PAK3: variants seen among roughly 807,000 people sequenced by gnomAD.
PAK3 encodes serine/threonine-protein kinase PAK 3.
Under a neutral mutation model 41.0 loss-of-function variants are expected in PAK3, and 4 were observed. That is an observed-to-expected ratio of 0.10 (90% CI 0.05 to 0.22). The LOEUF (loss-of-function observed/expected upper bound fraction) is 0.22. Among genes scored for constraint, PAK3 ranks in the 10% least tolerant of loss-of-function variants. The probability of loss-of-function intolerance (pLI) is 1.00; values close to 1 mark genes in which losing one functional copy is unlikely to be tolerated. For missense variants in PAK3, 205 were observed against 409.9 expected (o/e 0.50, Z 4.32); for synonymous variants, 146 against 139.6 (o/e 1.05, Z -0.32).
intron 11 of PAK3, among the ~76,000 whole-genome samples, chrX:111,185,998 A>C (rs2094506456): frequency 9.0e-6 from 1 of 111,508 alleles, no homozygotes; most frequent in South Asian, 3.8e-4. Context: ...ACATACAAAA[A>C]TCAATAAACG....
At position 111,222,239 on chromosome X, in the gene PAK3, A is replaced by T. The variant is rs1476733843; in HGVS notation, c.*1792A>T. On this transcript the variant is annotated 3_prime_UTR_variant, in exon 18 of 18. Coordinates refer to ENST00000372007, the MANE Select transcript of PAK3 (RefSeq NM_002578.5). ...CCTCTCTCCTTCTTTGCCAAGGTAC[A>T]TCCATCCATCTAACCATCCATATAT... 2 of 112,235 alleles carry T rather than the reference A, an allele frequency of 1.8e-5. No homozygotes were observed. The highest frequency in any genetic ancestry group is 3.8e-5 in the Non-Finnish European group (2 of 53,197). The allele number at this position is 112,235 out of a possible 1,213,427, so 9.2% of individuals were successfully genotyped here.
chrX:110,967,413 G>A, intron 1 of PAK3, among the ~76,000 whole-genome samples: 1 of 111,437 alleles, frequency 9.0e-6, no homozygotes, highest in Non-Finnish European at 1.9e-5. Context: ...CACAGGGTTA[G>A]GGACAAAGGC....
chrX:111,217,190 A>G, intron 17 of PAK3: 1 of 268,492 alleles, frequency 3.7e-6, no homozygotes, highest in Non-Finnish European at 5.1e-6. Context: ...TATAGATGTA[A>G]AAGTTGAGAC....
At chrX:111,025,759 T>C (rs1171900007) in intron 1 of PAK3, among the ~76,000 whole-genome samples, 1 of 104,667 alleles carries the variant, frequency 9.6e-6, no homozygotes, top group East Asian at 3.0e-4. Flanking sequence ...TTCCACAAGA[T>C]AGAAAAAGAG....
chrX:111,214,558 A>G (rs1272749539), intron 16 of PAK3, among the ~76,000 whole-genome samples: 1 of 111,741 alleles, frequency 8.9e-6, no homozygotes, highest in Non-Finnish European at 1.9e-5. Context: ...TCAACAGGAC[A>G]CTTATTAGAA....
chrX:110,957,999 G>T lies in PAK3; in HGVS notation c.-28+13371G>T, dbSNP rs193092615. On this transcript the variant is annotated intron_variant, in intron 1 of 14. Coordinates refer to the PAK3 transcript ENST00000425146. The stretch of plus-strand genomic sequence containing the variant: ...TGCTGTGAAGGAAAAGTATAGGGTA[G>T]GAGAGACAATAGCAGGGGAGACTTC... Among the ~76,000 whole-genome samples, 117 of 112,083 alleles carry T rather than the reference G, an allele frequency of 1.0e-3. 1 individual carries two copies. Among genetic ancestry groups the T allele is most frequent in the African/African-American group, 3.7e-3 (115 of 30,859 alleles).
chrX:111,044,914 G>A (rs888295835), intron 1 of PAK3, among the ~76,000 whole-genome samples: 2 of 111,938 alleles, frequency 1.8e-5, no homozygotes, highest in East Asian at 5.6e-4. Context: ...TAGGGAAGGG[G>A]TTGGCATAAG....
At chrX:111,177,974 C>G (rs1262852684) in intron 11 of PAK3, among the ~76,000 whole-genome samples, 1 of 110,959 alleles carries the variant, frequency 9.0e-6, no homozygotes, top group Non-Finnish European at 1.9e-5. Flanking sequence ...CTCAGAGGAT[C>G]CAGTTTAACA....
chrX:111,010,573 C>T (rs761863694), intron 1 of PAK3, among the ~76,000 whole-genome samples: 1 of 111,440 alleles, frequency 9.0e-6, no homozygotes, highest in African/African-American at 3.3e-5. Flanking sequence ...TGAGTGAGTT[C>T]TCATTCTGAG....
At chrX:111,142,231 G>A (rs368564923) in intron 6 of PAK3, 35 bp downstream of exon 6, 30 of 784,847 alleles carry the variant, frequency 3.8e-5, no homozygotes, top group South Asian at 3.1e-4. Context: ...TGTAAGCCAC[G>A]AAAGAATTCC....
At chrX:110,982,602 GTGTTT>G (rs368663694) in intron 1 of PAK3, among the ~76,000 whole-genome samples, 27 of 112,338 alleles carry the variant, frequency 2.4e-4, no homozygotes, top group African/African-American at 8.7e-4. Flanking sequence ...AGATCACTGT[GTGTTT>G]TGTTTTGTTT....
At chrX:111,182,275 T>C (rs2094470119) in intron 11 of PAK3, among the ~76,000 whole-genome samples, 1 of 110,596 alleles carries the variant, frequency 9.0e-6, no homozygotes, top group Admixed American at 9.7e-5. Flanking sequence ...CTTGTAATTG[T>C]GGCCTCATTA....
intron 13 of PAK3, 34 bp downstream of exon 13, chrX:111,192,652 T>C (rs2094571281): frequency 1.5e-6 from 1 of 676,337 alleles, no homozygotes; most frequent in Non-Finnish European, 2.4e-6. Flanking sequence ...ACTTATATTC[T>C]TTGTGGGATG....
At chrX:111,118,524 C>G (rs1444476533) in intron 4 of PAK3, among the ~76,000 whole-genome samples, 2 of 110,412 alleles carry the variant, frequency 1.8e-5, no homozygotes, top group Admixed American at 9.7e-5. Context: ...GTGAACAGCT[C>G]AGTCCTGTGT....
chrX:111,037,663 T>A (rs182534885), intron 1 of PAK3, among the ~76,000 whole-genome samples: 76 of 111,708 alleles, frequency 6.8e-4, no homozygotes, highest in Admixed American at 1.3e-3. Flanking sequence ...ATGAAAAGTT[T>A]GTTGTAAAAT....
At chrX:111,006,857 T>C (rs200391061) in intron 1 of PAK3, among the ~76,000 whole-genome samples, 9 of 24,157 alleles carry the variant, frequency 3.7e-4, no homozygotes, top group Admixed American at 5.8e-4. Flanking sequence ...TTCTTTTTTT[T>C]TTTTTTTGAT....
chrX:111,069,190 G>A (rs1362107383), intron 1 of PAK3, among the ~76,000 whole-genome samples: 2 of 112,035 alleles, frequency 1.8e-5, no homozygotes, highest in Non-Finnish European at 1.9e-5. Flanking sequence ...CGTTTGGAAA[G>A]AAGGTGTTTG....
chrX:110,976,462 G>C (rs1281001099), intron 1 of PAK3, among the ~76,000 whole-genome samples: 1 of 112,219 alleles, frequency 8.9e-6, no homozygotes, highest in Non-Finnish European at 1.9e-5. Context: ...GGAAACAACA[G>C]ATGCTGGAGA....
At chrX:111,015,969 G>T (rs2092083710) in intron 1 of PAK3, among the ~76,000 whole-genome samples, 1 of 112,052 alleles carries the variant, frequency 8.9e-6, no homozygotes, top group Non-Finnish European at 1.9e-5. Flanking sequence ...GTTCAATGTA[G>T]TCATATTTGT....
Sources: allele counts gnomAD v4.1 joint callset (sites outside exome capture counted in the v4.1 genomes callset), GRCh38; gene constraint gnomAD v4.1.1; transcripts MANE v1.5; gene names NCBI Gene and HGNC (gene_info 2026-07-23, HGNC 2026-07-21).